Variants in LRRC4C observed in about 807,000 individuals in gnomAD.
LRRC4C encodes the protein leucine-rich repeat-containing protein 4C.
LRRC4C carries 5 observed loss-of-function variants against 33.6 expected under a neutral mutation model. The ratio of observed to expected loss-of-function variants is 0.15; its 90% CI spans 0.08 to 0.31. The LOEUF is 0.31. Ranked by LOEUF, LRRC4C falls within the 10% of genes least tolerant of loss-of-function variation. The pLI, the probability that LRRC4C is intolerant of heterozygous loss-of-function variation, is 1.00. For synonymous variants in LRRC4C, 329 were observed against 302.0 expected (o/e 1.09, Z -0.93); for missense variants, 560 against 796.7 (o/e 0.70, Z 3.58).
intron 1 of LRRC4C, among the ~76,000 whole-genome samples, chr11:41,239,321 CA>C (rs56018613): frequency 0.026 from 1,434 of 55,108 alleles, 5 homozygotes; most frequent in African/African-American, 0.1. Flanking sequence ...GACTCTGTCT[CA>C]AAAAAAAAAA....
intron 1 of LRRC4C, among the ~76,000 whole-genome samples, chr11:41,231,065 T>C (rs1947770043): frequency 6.6e-6 from 1 of 152,164 alleles, no homozygotes; most frequent in South Asian, 2.1e-4. Flanking sequence ...CACAATGAGA[T>C]ACCATCTCAT....
At chr11:41,318,980 G>A (rs890651854) in intron 1 of LRRC4C, among the ~76,000 whole-genome samples, 26 of 152,264 alleles carry the variant, frequency 1.7e-4, no homozygotes, top group Non-Finnish European at 8.8e-5. Context: ...TGAACATAAC[G>A]GAACCTCAAT....
chr11:40,431,791 T>C (rs901454804), intron 3 of LRRC4C, among the ~76,000 whole-genome samples: 6 of 152,206 alleles, frequency 3.9e-5, no homozygotes, highest in African/African-American at 1.2e-4. Context: ...GTGATGTCCA[T>C]TTTGCAATGA....
At chr11:40,469,432 T>C (rs1952816745) in intron 3 of LRRC4C, among the ~76,000 whole-genome samples, 1 of 151,720 alleles carries the variant, frequency 6.6e-6, no homozygotes, top group South Asian at 2.1e-4. Flanking sequence ...GGGCCCTGGG[T>C]TTCAAGCACC....
chr11:41,345,866 G>A (rs887841230), intron 1 of LRRC4C, among the ~76,000 whole-genome samples: 1 of 152,048 alleles, frequency 6.6e-6, no homozygotes, highest in Admixed American at 6.6e-5. Flanking sequence ...TTTCAGAAAG[G>A]TATTTGTAAA....
At chr11:40,471,990 C>A (rs1952962414) in intron 3 of LRRC4C, among the ~76,000 whole-genome samples, 1 of 152,124 alleles carries the variant, frequency 6.6e-6, no homozygotes, top group Admixed American at 6.5e-5. Flanking sequence ...CAAATGAGAA[C>A]TCAGGATTAA....
intron 1 of LRRC4C, among the ~76,000 whole-genome samples, chr11:41,312,600 T>A (rs967322208): frequency 6.6e-6 from 1 of 152,240 alleles, no homozygotes; most frequent in African/African-American, 2.4e-5. Context: ...ATGTCAGCTA[T>A]GATTATTATA....
chr11:40,983,764 A>G (rs1163363526), intron 1 of LRRC4C, among the ~76,000 whole-genome samples: 1 of 152,214 alleles, frequency 6.6e-6, no homozygotes, highest in Non-Finnish European at 1.5e-5. Flanking sequence ...CCTGATCATT[A>G]GAGAAATGCA....
intron 4 of LRRC4C, among the ~76,000 whole-genome samples, chr11:40,280,894 T>G (rs930450320): frequency 6.6e-6 from 1 of 152,258 alleles, no homozygotes; most frequent in Middle Eastern, 3.4e-3. Flanking sequence ...GAAACCCGGA[T>G]AGAAGACTAT....
chr11:41,319,580 T>C lies in LRRC4C; in HGVS notation c.-496+139851A>G, dbSNP rs187562624. On this transcript the variant is annotated intron_variant, in intron 1 of 6. Transcript: ENST00000528697. ...TTTGTTGAGACAAGATCTCACTCTGTCACCCAGGCTGGAGTGTCATGGCAC... is the reference window on the plus strand; with the variant it reads ...TTTGTTGAGACAAGATCTCACTCTGCCACCCAGGCTGGAGTGTCATGGCAC... Among the ~76,000 whole-genome samples the C allele has an allele frequency of 2.5e-3, 376 of 152,334 alleles. 2 individuals are homozygous for C. The highest frequency in any genetic ancestry group is 8.7e-3 in the African/African-American group (361 of 41,586).
intron 1 of LRRC4C, among the ~76,000 whole-genome samples, chr11:41,060,805 A>C (rs114577462): frequency 0.011 from 1,610 of 152,240 alleles, 32 homozygotes; most frequent in African/African-American, 0.037. Flanking sequence ...TAAATCTTTA[A>C]GCCAGACAAA....
At chr11:41,406,988 C>T (rs1050598972) in intron 1 of LRRC4C, among the ~76,000 whole-genome samples, 1 of 151,974 alleles carries the variant, frequency 6.6e-6, no homozygotes, top group Admixed American at 6.6e-5. Context: ...GGGAAAAAAT[C>T]TTGTAATTAC....
chr11:40,266,935 C>T (rs1429595427), intron 4 of LRRC4C, among the ~76,000 whole-genome samples: 2 of 141,378 alleles, frequency 1.4e-5, no homozygotes, highest in African/African-American at 5.9e-5. Context: ...TAAACACACA[C>T]CACACCCACC....
chr11:41,362,550 CA>C (rs1479269751), intron 1 of LRRC4C, among the ~76,000 whole-genome samples: 1 of 151,944 alleles, frequency 6.6e-6, no homozygotes, highest in Non-Finnish European at 1.5e-5. Flanking sequence ...TAAGGGGGTC[CA>C]GGGAGTTCCT....
chr11:40,861,214 G>A (rs552477102), intron 2 of LRRC4C, among the ~76,000 whole-genome samples: 2 of 152,128 alleles, frequency 1.3e-5, no homozygotes, highest in East Asian at 1.9e-4. Context: ...GAAATGCTAA[G>A]GCATCTTAAA....
At chr11:40,895,817 A>T (rs1426407981) in intron 2 of LRRC4C, among the ~76,000 whole-genome samples, 1 of 152,144 alleles carries the variant, frequency 6.6e-6, no homozygotes, top group African/African-American at 2.4e-5. Flanking sequence ...AGGTCCAAAG[A>T]GTTCTTGAGG....
chr11:40,730,779 G>A (rs1947528931), intron 2 of LRRC4C, among the ~76,000 whole-genome samples: 1 of 152,246 alleles, frequency 6.6e-6, no homozygotes, highest in African/African-American at 2.4e-5. Flanking sequence ...CCTTCATTCT[G>A]AGTGCCTTCA....
intron 1 of LRRC4C, among the ~76,000 whole-genome samples, chr11:41,168,339 A>C (rs1372925518): frequency 6.6e-6 from 1 of 152,208 alleles, no homozygotes; most frequent in Non-Finnish European, 1.5e-5. Context: ...ATTGATGAGG[A>C]GTGAACTACA....
chr11:40,229,558 C>T (rs1002844688), intron 5 of LRRC4C, among the ~76,000 whole-genome samples: 1 of 152,152 alleles, frequency 6.6e-6, no homozygotes, highest in African/African-American at 2.4e-5. Context: ...CAGGTGTGAG[C>T]CACCACACCT....
Sources: gnomAD v4.1 joint callset for allele counts (sites outside exome capture counted in the v4.1 genomes callset) on GRCh38, gnomAD v4.1.1 for gene constraint, MANE v1.5 for transcripts, NCBI Gene and HGNC (gene_info 2026-07-23, HGNC 2026-07-21) for gene names.